Variants in DENND5B observed in about 807,000 individuals in gnomAD.
DENND5B encodes DENN domain-containing protein 5B.
DENND5B carries 34 observed loss-of-function variants against 140.6 expected under a neutral mutation model. The ratio of observed to expected loss-of-function variants is 0.24; its 90% CI spans 0.18 to 0.32. The LOEUF is 0.32. Ranked by LOEUF, DENND5B falls within the 10% of genes least tolerant of loss-of-function variation. The pLI is 1.00. For synonymous variants in DENND5B, 551 were observed against 562.1 expected, an observed-to-expected ratio of 0.98 and a Z score of 0.28; for missense variants, 1,142 against 1,560.2, an observed-to-expected ratio of 0.73 and a Z score of 4.52.
At chr12:31,498,540 C>T (rs1443137533) in intron 1 of DENND5B, among the ~76,000 whole-genome samples, 1 of 152,146 alleles carries the variant, frequency 6.6e-6, no homozygotes, top group Non-Finnish European at 1.5e-5. Context: ...ACCACCACCA[C>T]CACTGCTTAT....
At chr12:31,518,390 C>A (rs1347044303) in intron 1 of DENND5B, among the ~76,000 whole-genome samples, 1 of 152,160 alleles carries the variant, frequency 6.6e-6, no homozygotes, top group Middle Eastern at 3.2e-3. Context: ...AGAGCTGAGG[C>A]TTGAATTAAG....
At chr12:31,499,091 C>CGGTATAGGTT (rs1284869167) in intron 1 of DENND5B, among the ~76,000 whole-genome samples, 2 of 151,702 alleles carry the variant, frequency 1.3e-5, no homozygotes, top group African/African-American at 4.8e-5. Flanking sequence ...GGGGAACAAC[C>CGGTATAGGTT]TATACTTCTC....
At chr12:31,398,085 A>T in intron 17 of DENND5B, 90 bp downstream of exon 17, 1 of 1,223,650 alleles carries the variant, frequency 8.2e-7, no homozygotes, top group Non-Finnish European at 1.1e-6. Context: ...AAATCTCCTC[A>T]CTACATTCAT....
In DENND5B at chr12:31,426,318, C is replaced by G. The variant is rs757541542; in HGVS notation, c.2213G>C (p.Gly738Ala). 8 of 1,609,048 alleles carry G rather than the reference C, an allele frequency of 5.0e-6. No individual in the cohort carries two copies. The highest frequency in any genetic ancestry group is 2.2e-5 in the East Asian group (1 of 44,858). The change falls in exon 9 of 21, where the codon GGC (glycine) becomes GCC (alanine). Residue 738 changes from glycine to alanine, a missense_variant. Physicochemically the swap from Gly to Ala is moderately conservative, Grantham distance 60. Around this residue, in one of 5 missense-constraint regions of DENND5B, gnomAD observed 33 missense variants for 90.8 expected, o/e 0.36. Transcript: ENST00000389082. Reference protein sequence around the residue: ...IAQTNCKFVEGLLKECRMKTK... With the variant: ...IAQTNCKFVEALLKECRMKTK... ...CTTCATTCTACATTCTTTTAATAAGCCTTCTACGAATTTACAGTTGGTCTG... is the reference window on the plus strand; with the variant it reads ...CTTCATTCTACATTCTTTTAATAAGGCTTCTACGAATTTACAGTTGGTCTG...
chr12:31,583,416 A>G (rs1950277129), intron 1 of DENND5B, among the ~76,000 whole-genome samples: 1 of 151,206 alleles, frequency 6.6e-6, no homozygotes, highest in East Asian at 2.0e-4. Context: ...GTGGCTCACA[A>G]CTGTAATCCT....
intron 7 of DENND5B, among the ~76,000 whole-genome samples, chr12:31,438,279 C>T (rs1469566848): frequency 2.0e-5 from 3 of 152,168 alleles, no homozygotes; most frequent in African/African-American, 7.2e-5. Flanking sequence ...GGCCAATATT[C>T]CAGATTTTTA....
At chr12:31,425,696 T>C (rs1057338196) in intron 9 of DENND5B, among the ~76,000 whole-genome samples, 2 of 152,232 alleles carry the variant, frequency 1.3e-5, no homozygotes, top group Non-Finnish European at 2.9e-5. Flanking sequence ...CACCACTATA[T>C]ACTGATGCTG....
At chr12:31,423,354 C>T (rs1943110524) in intron 11 of DENND5B, among the ~76,000 whole-genome samples, 2 of 152,232 alleles carry the variant, frequency 1.3e-5, no homozygotes, top group East Asian at 1.9e-4. Context: ...ATCAGCATGA[C>T]CGTTCTAGCC....
intron 13 of DENND5B, among the ~76,000 whole-genome samples, chr12:31,412,074 A>G (rs1202569385): frequency 6.6e-6 from 1 of 152,114 alleles, no homozygotes; most frequent in Non-Finnish European, 1.5e-5. Context: ...TCAGCCTCCA[A>G]GTAGCTGGGA....
At position 31,390,410 on chromosome 12, in the gene DENND5B, G is replaced by A. The variant is rs576420732; in HGVS notation, c.3467-912C>T. ...TCCCAGCACTTTGGGAGGCCAAGGCGGGCAGATCACCTGAGTTCGGGAGTT... is the reference window on the plus strand; with the variant it reads ...TCCCAGCACTTTGGGAGGCCAAGGCAGGCAGATCACCTGAGTTCGGGAGTT... On this transcript the variant is annotated intron_variant, in intron 19 of 20. Coordinates refer to ENST00000389082, the MANE Select transcript of DENND5B (RefSeq NM_144973.4). Among the ~76,000 whole-genome samples, 55 of 147,860 alleles carry A rather than the reference G, an allele frequency of 3.7e-4. 1 individual carries two copies. Among genetic ancestry groups the A allele is most frequent in the African/African-American group, 4.0e-4 (16 of 40,122 alleles).
intron 19 of DENND5B, among the ~76,000 whole-genome samples, chr12:31,390,065 T>A (rs995564073): frequency 2.0e-5 from 3 of 152,190 alleles, no homozygotes; most frequent in African/African-American, 7.2e-5. Context: ...CTATTCTAAG[T>A]TAGATGAAAT....
chr12:31,475,749 A>AAAAC (rs972087248), intron 3 of DENND5B, among the ~76,000 whole-genome samples: 2 of 151,974 alleles, frequency 1.3e-5, no homozygotes, highest in Admixed American at 6.6e-5. Flanking sequence ...ACCCTGTCTC[A>AAAAC]AAACAAACAA....
chr12:31,382,234 CCA>C lies in DENND5B; in HGVS notation c.*5367_*5368del, dbSNP rs1186574191. On this transcript the variant is annotated 3_prime_UTR_variant, in exon 21 of 21. Coordinates refer to ENST00000389082, the MANE Select transcript of DENND5B (RefSeq NM_144973.4). ...AATGAAGCAAAACAAAGTATCAATC[CCA>C]CAGTTTTATTTGTAAAGAACAAAGC... The C allele has an allele frequency of 6.6e-6, 1 of 152,042 alleles. No homozygotes were observed. The highest frequency in any genetic ancestry group is 1.5e-5 in the Non-Finnish European group (1 of 68,000). The allele number at this position is 152,042 out of a possible 1,614,324, so 9.4% of individuals were successfully genotyped here.
intron 2 of DENND5B, among the ~76,000 whole-genome samples, chr12:31,483,865 CTT>C (rs200066618): frequency 2.2e-4 from 29 of 129,356 alleles, no homozygotes; most frequent in Admixed American, 3.9e-4. Flanking sequence ...CTTTTCTTTT[CTT>C]TTTTTTTTTT....
At chr12:31,558,295 T>C (rs1243552881) in intron 1 of DENND5B, among the ~76,000 whole-genome samples, 1 of 152,046 alleles carries the variant, frequency 6.6e-6, no homozygotes, top group Non-Finnish European at 1.5e-5. Flanking sequence ...TTCTTTTTCC[T>C]GGGCTTGGAG....
chr12:31,383,246 C>T lies in DENND5B; in HGVS notation c.*4357G>A, dbSNP rs1940706953. On this transcript the variant is annotated 3_prime_UTR_variant, in exon 21 of 21. Transcript: ENST00000389082. ...AGATATTTCATTATGAAGAGCTACA[C>T]TCCTAATGTTGTGAAATAAATATTT... 1 of 152,172 alleles carries T rather than the reference C, an allele frequency of 6.6e-6. No individual in the cohort carries two copies. Among genetic ancestry groups the T allele is most frequent in the African/African-American group, 2.4e-5 (1 of 41,448 alleles). The allele number at this position is 152,172 out of a possible 1,614,324, so 9.4% of individuals were successfully genotyped here.
intron 8 of DENND5B, among the ~76,000 whole-genome samples, chr12:31,429,181 G>A (rs1381667035): frequency 1.3e-5 from 2 of 151,328 alleles, no homozygotes; most frequent in Non-Finnish European, 2.9e-5. Flanking sequence ...TGTAATTTTT[G>A]TATTTTCAGT....
At chr12:31,516,845 G>C (rs1467926715) in intron 1 of DENND5B, among the ~76,000 whole-genome samples, 1 of 152,068 alleles carries the variant, frequency 6.6e-6, no homozygotes, top group Non-Finnish European at 1.5e-5. Flanking sequence ...AGACTGAAGT[G>C]GGAGGGCTGC....
intron 11 of DENND5B, chr12:31,419,899 G>A (rs1942938310): frequency 1.6e-5 from 8 of 502,480 alleles, no homozygotes; most frequent in Non-Finnish European, 2.0e-5. Context: ...CTTGAACCCA[G>A]GAAGTGGAGG....
Sources: gnomAD v4.1 joint callset for allele counts (sites outside exome capture counted in the v4.1 genomes callset) on GRCh38, gnomAD v4.1.1 for gene constraint, gnomAD v4.1.1 regional missense constraint, MANE v1.5 for transcripts, NCBI Gene and HGNC (gene_info 2026-07-23, HGNC 2026-07-21) for gene names.